The following IGSF11 variants were observed in gnomAD, a reference collection of about 807,000 sequenced individuals.
IGSF11 encodes the protein immunoglobulin superfamily member 11, also known as CXADR like 1.
A neutral mutation model predicts 41.0 loss-of-function variants in IGSF11; 22 were observed. The ratio of observed to expected loss-of-function variants is 0.54; its 90% CI spans 0.38 to 0.77. The LOEUF (loss-of-function observed/expected upper bound fraction) is 0.77. Ranked by LOEUF, IGSF11 falls within the 30% of genes least tolerant of loss-of-function variation. The pLI is 0.00. For synonymous variants in IGSF11, 219 were observed against 201.3 expected (o/e 1.09, Z -0.74); for missense variants, 444 against 530.8 (o/e 0.84, Z 1.61).
chr3:118,902,710 T>A lies in IGSF11; in HGVS notation c.1106A>T (p.His369Leu), dbSNP rs1939043504. 9 of 1,614,044 alleles carry A rather than the reference T, an allele frequency of 5.6e-6. No individual in the cohort carries two copies. The African/African-American group carries it at 9.3e-5, about 17-fold the overall frequency. Reference protein sequence around the residue: ...ANGTHLVPGQHKTLVVTANRG... With the variant: ...ANGTHLVPGQLKTLVVTANRG... Reference sequence around the variant, plus strand: ...GTTGGCTGTCACTACCAGAGTCTTATGTTGACCCGGGACCAGATGGGTCCC... The same window carrying A: ...GTTGGCTGTCACTACCAGAGTCTTAAGTTGACCCGGGACCAGATGGGTCCC... The change falls in exon 7 of 7, where the codon CAT becomes CTT. Residue 369 changes from histidine to leucine, a missense_variant. His to Leu is a moderately conservative substitution (Grantham distance 99, BLOSUM62 -3). Coordinates refer to ENST00000393775, the MANE Select transcript of IGSF11 (RefSeq NM_001015887.3).
intron 1 of IGSF11, among the ~76,000 whole-genome samples, chr3:119,001,004 C>A (rs907012702): frequency 6.6e-6 from 1 of 152,108 alleles, no homozygotes; most frequent in Non-Finnish European, 1.5e-5. Flanking sequence ...CCTATTCTGA[C>A]TGTTTCTCCA....
rs1559961616 is a variant in IGSF11 at position 118,959,354 on chromosome 3, C to T, written c.53-29079G>A. ...CATGGCTTGGCTCAAAAGGGAAAGA[C>T]TGTGGACAGTTTGAGTAGTGAGATA... On this transcript the variant is annotated intron_variant, in intron 1 of 6. Transcript: ENST00000393775. Among the ~76,000 whole-genome samples the T allele has an allele frequency of 2.0e-5, 3 of 152,122 alleles. No homozygotes were observed. In the South Asian group the frequency reaches 6.2e-4, roughly 32 times the overall value.
intron 1 of IGSF11, among the ~76,000 whole-genome samples, chr3:119,012,531 A>G (rs1254282869): frequency 6.6e-6 from 1 of 152,182 alleles, no homozygotes. Context: ...CATCAACACA[A>G]GAAGTAGAAA....
At chr3:118,935,407 CAT>C (rs1478091657) in intron 1 of IGSF11, among the ~76,000 whole-genome samples, 5 of 142,478 alleles carry the variant, frequency 3.5e-5, no homozygotes, top group Non-Finnish European at 7.6e-5. Flanking sequence ...TACACACACA[CAT>C]ATACATACGT....
chr3:119,091,165 C>T (rs1229323583), intron 1 of IGSF11, among the ~76,000 whole-genome samples: 2 of 152,190 alleles, frequency 1.3e-5, no homozygotes, highest in African/African-American at 2.4e-5. Flanking sequence ...TGCCATCTCA[C>T]ACCAGTCAGA....
intron 1 of IGSF11, among the ~76,000 whole-genome samples, chr3:119,048,675 C>T (rs1160525609): frequency 2.0e-5 from 3 of 151,954 alleles, no homozygotes; most frequent in African/African-American, 7.3e-5. Flanking sequence ...GATACCAAAG[C>T]CAGGCAGAGA....
At chr3:119,101,003 A>C (rs1335790433) in intron 1 of IGSF11, among the ~76,000 whole-genome samples, 1 of 152,178 alleles carries the variant, frequency 6.6e-6, no homozygotes, top group Non-Finnish European at 1.5e-5. Flanking sequence ...AGTTACCCAA[A>C]CTAGAAGAAA....
intron 1 of IGSF11, among the ~76,000 whole-genome samples, chr3:118,994,617 C>T (rs923477431): frequency 6.6e-6 from 1 of 152,138 alleles, no homozygotes; most frequent in Non-Finnish European, 1.5e-5. Flanking sequence ...AAGATCGCAC[C>T]ACTGCACTCC....
At chr3:119,001,890 G>C (rs1214944966) in intron 1 of IGSF11, among the ~76,000 whole-genome samples, 1 of 129,654 alleles carries the variant, frequency 7.7e-6, no homozygotes, top group Non-Finnish European at 1.6e-5. Flanking sequence ...ATTTGGGTTG[G>C]TTCCAAGTCT....
rs251449 is a variant in IGSF11, at chr3:119,039,859, C to A, written c.49+65285G>T. Among the ~76,000 whole-genome samples the A allele has an allele frequency of 2.6e-3, 398 of 152,142 alleles. 2 individuals are homozygous for A. The highest frequency in any genetic ancestry group is 4.4e-3 in the Non-Finnish European group (300 of 67,994). On this transcript the variant is annotated intron_variant, in intron 1 of 6. Transcript: ENST00000354673. ...TGAAACCACCTTTGCAAAATTATGA[C>A]GGAGACAGTGAAAGAGATCTAACTT...
Position 118,926,276 on chromosome 3 carries a change from C to T in IGSF11, c.425-20G>A. The T allele has an allele frequency of 6.5e-7, 1 of 1,548,080 alleles. No individual in the cohort carries two copies. The highest frequency in any genetic ancestry group is 8.8e-7 in the Non-Finnish European group (1 of 1,138,106). On this transcript the variant is annotated intron_variant, in intron 3 of 6. Coordinates refer to ENST00000393775, the MANE Select transcript of IGSF11 (RefSeq NM_001015887.3). Reference sequence around the variant, plus strand: ...GGGGAACTATAACAGGAAGAATAAGCAATAAAGTACACATTTTACTGTGAG... The same window carrying T: ...GGGGAACTATAACAGGAAGAATAAGTAATAAAGTACACATTTTACTGTGAG...
At chr3:118,910,425 C>G (rs1940128564) in intron 4 of IGSF11, among the ~76,000 whole-genome samples, 1 of 152,146 alleles carries the variant, frequency 6.6e-6, no homozygotes, top group African/African-American at 2.4e-5. Context: ...CTCAATCTCT[C>G]TTGAATCTTA....
intron 1 of IGSF11, chr3:118,945,739 A>G (rs1168872077): frequency 6.6e-6 from 1 of 152,180 alleles, no homozygotes; most frequent in African/African-American, 2.4e-5. Flanking sequence ...ATATCAGCAA[A>G]TAAAAAATAA....
At chr3:118,977,185 G>A (rs1242241757) in intron 1 of IGSF11, among the ~76,000 whole-genome samples, 3 of 152,196 alleles carry the variant, frequency 2.0e-5, no homozygotes, top group Admixed American at 1.3e-4. Context: ...GGATCTCTAA[G>A]TAAGCCACCT....
intron 1 of IGSF11, among the ~76,000 whole-genome samples, chr3:119,073,806 G>T (rs2107470500): frequency 6.6e-6 from 1 of 152,334 alleles, no homozygotes; most frequent in Non-Finnish European, 1.5e-5. Flanking sequence ...CACAAGCAGA[G>T]GGAGCTGGCT....
chr3:119,066,456 T>A (rs1942236538), intron 1 of IGSF11, among the ~76,000 whole-genome samples: 1 of 152,242 alleles, frequency 6.6e-6, no homozygotes, highest in Non-Finnish European at 1.5e-5. Flanking sequence ...CCCAACTCTA[T>A]CTTCTCTCTG....
chr3:118,917,005 C>A (rs1159252687), intron 4 of IGSF11, among the ~76,000 whole-genome samples: 1 of 152,208 alleles, frequency 6.6e-6, no homozygotes, highest in African/African-American at 2.4e-5. Flanking sequence ...TCCTGGATGA[C>A]TACTGGGTAC....
intron 1 of IGSF11, among the ~76,000 whole-genome samples, chr3:118,984,887 A>C (rs2107642145): frequency 6.6e-6 from 1 of 152,292 alleles, no homozygotes; most frequent in Middle Eastern, 3.4e-3. Context: ...ACTCAGTGAC[A>C]CCTTGATTCT....
intron 1 of IGSF11, among the ~76,000 whole-genome samples, chr3:119,044,574 C>A (rs184869761): frequency 1.8e-4 from 27 of 152,222 alleles, no homozygotes; most frequent in African/African-American, 5.5e-4. Context: ...CTGGTAAGTT[C>A]ATCACAAAAA....
Sources: allele counts gnomAD v4.1 joint callset (sites outside exome capture counted in the v4.1 genomes callset), GRCh38; gene constraint gnomAD v4.1.1; transcripts MANE v1.5; gene names NCBI Gene and HGNC (gene_info 2026-07-23, HGNC 2026-07-21).